Variants in CROCC2 observed in about 807,000 individuals in gnomAD.
The protein encoded by CROCC2 is ciliary rootlet coiled-coil protein 2.
A neutral mutation model predicts 177.6 loss-of-function variants in CROCC2; 163 were observed. That is an observed-to-expected ratio of 0.92 (90% CI 0.81 to 1.05). The LOEUF (loss-of-function observed/expected upper bound fraction) is 1.05, where lower values mean the gene tolerates loss of function less well. Ranked by LOEUF, CROCC2 falls within the 50% of genes least tolerant of loss-of-function variation. The pLI is 0.00. For synonymous variants in CROCC2, 904 were observed against 787.3 expected (o/e 1.15, Z -2.48); for missense variants, 1,929 against 1,797.8 (o/e 1.07, Z -1.32).
rs1410383018 is a variant in CROCC2, at chr2:240,982,779, C to A, written c.4402-101C>A. ...GCTGTTTTCATCCCAGCGATACGGT[C>A]CTGCCAGACGGTCTAGGCAGATGCC... On this transcript the variant is annotated intron_variant, in intron 27 of 31. Transcript: ENST00000690015. This position sits in a 1 kb window ranked among gnomAD's most constrained non-coding sequence, Gnocchi z 4.7. 7.0e-6 allele frequency: 7 copies of A among 1,005,492 alleles called. No individual in the cohort carries two copies. Among genetic ancestry groups the A allele is most frequent in the Non-Finnish European group, 1.0e-5 (7 of 693,838 alleles). The allele number at this position is 1,005,492 out of a possible 1,614,324, so 62.3% of individuals were successfully genotyped here.
rs553931039 is a variant in CROCC2 at position 240,983,894 on chromosome 2, C to T, written c.4551+865C>T. 4.6e-4 allele frequency among the ~76,000 whole-genome samples: 70 copies of T among 152,278 alleles called. 1 individual carries two copies. The South Asian group carries it at 0.014, about 31-fold the overall frequency. ...TCACACACCCCAGAGCCCCAGAGGC[C>T]CCTGCTCATGGTGGAGATAGCCCCT... On this transcript the variant is annotated intron_variant, in intron 28 of 31. Coordinates refer to ENST00000690015, the MANE Select transcript of CROCC2 (RefSeq NM_001351305.2).
chr2:240,967,573 G>C, intron 26 of CROCC2, 108 bp downstream of exon 26: 1 of 1,500,612 alleles, frequency 6.7e-7, no homozygotes, highest in South Asian at 1.3e-5. Flanking sequence ...GGGCAGCTCG[G>C]TGGGAAGGGA....
intron 1 of CROCC2, among the ~76,000 whole-genome samples, chr2:240,907,350 C>T (rs2059262323): frequency 6.6e-6 from 1 of 152,126 alleles, no homozygotes; most frequent in Non-Finnish European, 1.5e-5. Flanking sequence ...TGCGGTCCCA[C>T]CTCGGATATC....
In CROCC2 at chr2:240,935,458, C is replaced by G; in HGVS notation, c.2039C>G (p.Ala680Gly). The change falls in exon 14 of 32, where the codon GCG becomes GGG. Residue 680 changes from alanine to glycine, a missense_variant. Transcript: ENST00000690015. The part of the protein sequence containing the change: ...EQLAQAEQQL[A>G]LERAERRGLQ... ...CTGGCACAGGCGGAGCAGCAGCTGG[C>G]GCTGGAGCGGGCAGAGCGCAGGGGC... 2.2e-6 allele frequency: 3 copies of G among 1,367,654 alleles called. No homozygotes were observed. The South Asian group carries it at 5.5e-5, about 25-fold the overall frequency. The allele number at this position is 1,367,654 out of a possible 1,614,324, so 84.7% of individuals were successfully genotyped here.
intron 22 of CROCC2, among the ~76,000 whole-genome samples, chr2:240,964,826 A>G (rs2059668478): frequency 6.6e-6 from 1 of 152,172 alleles, no homozygotes; most frequent in South Asian, 2.1e-4. Context: ...ACAAGACTGG[A>G]GAGGGCAAAA....
At chr2:240,965,606 C>G (rs1190189684) in intron 23 of CROCC2, 30 bp from the exon 24 acceptor site, 1 of 1,549,864 alleles carries the variant, frequency 6.5e-7, no homozygotes, top group Non-Finnish European at 8.7e-7. Flanking sequence ...CACTGTCTCC[C>G]ACGGGCGCAC....
chr2:240,911,256 C>T (rs2059286310), intron 1 of CROCC2, among the ~76,000 whole-genome samples: 3 of 150,278 alleles, frequency 2.0e-5, no homozygotes, highest in South Asian at 2.1e-4. Context: ...TAAGCACATT[C>T]GTAGCGTTGA....
intron 27 of CROCC2, chr2:240,981,539 C>T (rs2106489709): frequency 6.6e-6 from 1 of 152,320 alleles, no homozygotes; most frequent in East Asian, 1.9e-4. Flanking sequence ...CATTCAAATT[C>T]CATAAAAGCT....
In CROCC2 at chr2:240,963,591, G is replaced by C. The variant is rs1397569688; in HGVS notation, c.3123G>C (p.Gln1041His). The C allele has an allele frequency of 6.5e-7, 1 of 1,546,928 alleles. No homozygotes were observed. The highest frequency in any genetic ancestry group is 1.4e-5 in the African/African-American group (1 of 73,028). Reference sequence around the variant, plus strand: ...TGCGGGCACAGCTGACCGTGGCCCAGGAGGGACTGGCCGCACTGCGCCAGG... The same window carrying C: ...TGCGGGCACAGCTGACCGTGGCCCACGAGGGACTGGCCGCACTGCGCCAGG... ...ERLRAQLTVAQEGLAALRQEL... is the reference protein window; with the variant it reads ...ERLRAQLTVAHEGLAALRQEL... The change falls in exon 21 of 32, where the codon CAG (glutamine) becomes CAC (histidine). Residue 1041 changes from glutamine (Q) to histidine (H), a missense_variant. By Grantham distance (24) the Gln-to-His change is conservative. This residue lies in a region of CROCC2 where 1,397 missense variants were observed against 1,239.9 expected (regional missense o/e 1.13). Transcript: ENST00000690015.
At chr2:240,911,789 G>A (rs1454094889) in intron 1 of CROCC2, among the ~76,000 whole-genome samples, 5 of 152,062 alleles carry the variant, frequency 3.3e-5, no homozygotes, top group Non-Finnish European at 4.4e-5. Context: ...TGACACCCTC[G>A]AGGTCCACCC....
At position 240,950,445 on chromosome 2, in the gene CROCC2, G is replaced by A. The variant is rs915863462; in HGVS notation, c.2764G>A (p.Glu922Lys). 5.2e-6 allele frequency: 8 copies of A among 1,550,122 alleles called. No homozygotes were observed. In the African/African-American group the frequency reaches 9.6e-5, roughly 19 times the overall value. ...AGCTGAGAGGGAGGCTCTGAAGGGG[G>A]AAATTCAGAGCCTGAAGCAGGAGCG... ...SAAEREALKGEIQSLKQERDE... is the reference protein window; with the variant it reads ...SAAEREALKGKIQSLKQERDE... The change falls in exon 18 of 32, where the codon GAA becomes AAA. Residue 922 changes from glutamate (E) to lysine (K), a missense_variant. By Grantham distance (56) the Glu-to-Lys change is moderately conservative. Around this residue, in one of 3 missense-constraint regions of CROCC2, gnomAD observed 1,397 missense variants for 1,239.9 expected, o/e 1.13. Transcript: ENST00000690015.
chr2:240,961,022 C>G (rs1212991754), intron 20 of CROCC2, among the ~76,000 whole-genome samples: 1 of 150,894 alleles, frequency 6.6e-6, no homozygotes, highest in African/African-American at 2.4e-5. Flanking sequence ...CTCAGAGGAG[C>G]AGAACAGAGC....
Position 240,918,846 on chromosome 2 carries a change from G to A in CROCC2, c.199G>A (p.Ala67Thr). 3.0e-6 allele frequency: 2 copies of A among 658,466 alleles called. No individual in the cohort carries two copies. The highest frequency in any genetic ancestry group is 5.8e-5 in the East Asian group (2 of 34,428). The allele number at this position is 658,466 out of a possible 1,614,324, so 40.8% of individuals were successfully genotyped here. The change falls in exon 2 of 32, where the codon GCC becomes ACC. Residue 67 changes from alanine (A) to threonine (T), a missense_variant. Transcript: ENST00000690015. This position sits in a 1 kb window ranked among gnomAD's most constrained non-coding sequence, Gnocchi z 6.3. ...GCCCACCCGCATCCGTGAGATCGTGGCCGGCAGCCTGAGTGAGGAGCCACC... is the reference window on the plus strand; with the variant it reads ...GCCCACCCGCATCCGTGAGATCGTGACCGGCAGCCTGAGTGAGGAGCCACC... ...PVPTRIREIV[A>T]GSLSEEPPQA...
Position 240,991,262 on chromosome 2 carries a change from G to C in CROCC2, c.4930G>C (p.Ala1644Pro), listed in dbSNP as rs1053702469. Reference sequence around the variant, plus strand: ...GCGGCAACAGGCCCACCTCGGCCAGGCCTTCCAGACAGGACAGTGAGCCCT... The same window carrying C: ...GCGGCAACAGGCCCACCTCGGCCAGCCCTTCCAGACAGGACAGTGAGCCCT... ...QWRQQAHLGQ[A>P]FQTGHAQRD is the part of the protein sequence containing the mutation. Residue 1644 changes from alanine (A) to proline (P), a missense_variant, in exon 31 of 32, where the codon GCC (alanine) becomes CCC (proline). Around this residue, in one of 3 missense-constraint regions of CROCC2, gnomAD observed 388 missense variants for 352.7 expected, o/e 1.10. Transcript: ENST00000690015. 1.3e-6 allele frequency: 2 copies of C among 1,548,634 alleles called. No homozygotes were observed. Among genetic ancestry groups the C allele is most frequent in the East Asian group, 4.9e-5 (2 of 40,850 alleles).
At chr2:240,907,423 C>A (rs566992626) in intron 1 of CROCC2, among the ~76,000 whole-genome samples, 3 of 152,128 alleles carry the variant, frequency 2.0e-5, no homozygotes, top group Non-Finnish European at 4.4e-5. Context: ...CCACCTCCAA[C>A]GGACCCCTCG....
rs2059727064 is a variant in CROCC2 at position 240,972,371 on chromosome 2, TC to T, written c.4401+4111del. ...AGTGGGCGGGGTGGGAGCGGCGCTCTCCGGTGCACGGTCACGGTGCGGTCCT... is the reference window on the plus strand; with the variant it reads ...AGTGGGCGGGGTGGGAGCGGCGCTCTCGGTGCACGGTCACGGTGCGGTCCT... On this transcript the variant is annotated intron_variant, in intron 27 of 31. Transcript: ENST00000690015. This position sits in a 1 kb window ranked among gnomAD's most constrained non-coding sequence, Gnocchi z 7.1. Among the ~76,000 whole-genome samples the T allele has an allele frequency of 6.6e-6, 1 of 151,788 alleles. No homozygotes were observed. Among genetic ancestry groups the T allele is most frequent in the African/African-American group, 2.4e-5 (1 of 41,278 alleles).
At chr2:240,946,325 G>A (rs2059524343) in intron 15 of CROCC2, 72 bp downstream of exon 15, 6 of 1,392,634 alleles carry the variant, frequency 4.3e-6, no homozygotes, top group Non-Finnish European at 5.8e-6. Context: ...GTGTGGCAGG[G>A]TATGGGGACA....
At chr2:240,910,668 C>T (rs755589175) in intron 1 of CROCC2, among the ~76,000 whole-genome samples, 66 of 152,186 alleles carry the variant, frequency 4.3e-4, no homozygotes, top group Admixed American at 2.0e-3. Flanking sequence ...ATACTAGCCG[C>T]GTACCGGCTC....
In CROCC2 at chr2:240,925,711, G is replaced by A. The variant is rs781469389; in HGVS notation, c.489-13G>A. The stretch of plus-strand genomic sequence containing the variant: ...TTCCTACCCCCACCATGCCCTGTGG[G>A]TTCTCTGTCCAGGAGCACCGGCCTC... On this transcript the variant is annotated splice_polypyrimidine_tract_variant and intron_variant, in intron 4 of 31. Transcript: ENST00000690015. 3 of 709,884 alleles carry A rather than the reference G, an allele frequency of 4.2e-6. No individual in the cohort carries two copies. Among genetic ancestry groups the A allele is most frequent in the South Asian group, 3.0e-5 (2 of 66,468 alleles). The allele number at this position is 709,884 out of a possible 1,614,324, so 44.0% of individuals were successfully genotyped here. A position where few individuals can be genotyped will look rare whatever the true frequency, so the allele number is the denominator to read the frequency against.
Sources: allele counts gnomAD v4.1 joint callset (sites outside exome capture counted in the v4.1 genomes callset), GRCh38; gene constraint gnomAD v4.1.1; regional missense constraint gnomAD v4.1.1; non-coding constraint Gnocchi (gnomAD v3.1); transcripts MANE v1.5; gene names NCBI Gene and HGNC (gene_info 2026-07-23, HGNC 2026-07-21).